MYH15: variants seen among roughly 807,000 people sequenced by gnomAD.
MYH15 encodes myosin-15.
Under a neutral mutation model 240.5 loss-of-function variants are expected in MYH15, and 227 were observed. That is an observed-to-expected ratio of 0.94 (90% confidence interval 0.85 to 1.05). MYH15 has a LOEUF of 1.05. MYH15 is among the 50% of genes least tolerant of loss of function. The pLI, the probability that MYH15 is intolerant of heterozygous loss-of-function variation, is 0.00. For missense variants in MYH15, 2,217 were observed against 2,247.5 expected, an observed-to-expected ratio of 0.99 and a Z score of 0.27; for synonymous variants, 785 against 796.7, an observed-to-expected ratio of 0.99 and a Z score of 0.25.
chr3:108,530,739 A>T (rs2603128), upstream of MYH15, among the ~76,000 whole-genome samples: 23,010 of 152,234 alleles, frequency 0.15, 2,158 homozygotes, highest in Non-Finnish European at 0.22. Context: ...AACTGCTCTA[A>T]AAATACTTAA....
intron 14 of MYH15, 33 bp from the exon 15 acceptor site, chr3:108,464,847 T>C: frequency 1.9e-6 from 3 of 1,540,180 alleles, no homozygotes; most frequent in Non-Finnish European, 2.6e-6. Context: ...GCAGATTTCT[T>C]TAAAAACACC....
At chr3:108,455,584 C>T (rs992132706) in intron 20 of MYH15, 152 bp downstream of exon 20, 18 of 887,326 alleles carry the variant, frequency 2.0e-5, no homozygotes, top group East Asian at 7.4e-5. Context: ...CAAACAGCAC[C>T]GAAGTTTTCA....
chr3:108,405,220 C>T, intron 33 of MYH15, 118 bp downstream of exon 33: 1 of 469,066 alleles, frequency 2.1e-6, no homozygotes, highest in East Asian at 3.2e-5. Flanking sequence ...TAGAGTTACA[C>T]TAAGTTTCTT....
At position 108,476,336 on chromosome 3, in the gene MYH15, CAA is replaced by C. The variant is rs2083219934; in HGVS notation, c.1233+59_1233+60del. 26 of 1,106,496 alleles carry C rather than the reference CAA, an allele frequency of 2.3e-5. 1 individual carries two copies. The South Asian group carries it at 2.6e-4, about 11-fold the overall frequency. The allele number at this position is 1,106,496 out of a possible 1,614,324, so 68.5% of individuals were successfully genotyped here. A position where few individuals can be genotyped will look rare whatever the true frequency, so the allele number is the denominator to read the frequency against. On this transcript the variant is annotated intron_variant, in intron 12 of 40. Coordinates refer to ENST00000693548, the MANE Select transcript of MYH15 (RefSeq NM_014981.3). ...CTTAGTAGTTGAAAAATATACAGTA[CAA>C]TATATATACAATTATTGGAAGATCA...
intron 1 of MYH15, among the ~76,000 whole-genome samples, chr3:108,525,484 TA>T (rs2083659748): frequency 6.6e-6 from 1 of 152,120 alleles, no homozygotes; most frequent in African/African-American, 2.4e-5. Flanking sequence ...TCAGTTTCAT[TA>T]ATTGTTTATC....
Position 108,394,099 on chromosome 3 carries a change from T to C in MYH15, c.5191A>G (p.Lys1731Glu), listed in dbSNP as rs1271456362. 3.1e-6 allele frequency: 5 copies of C among 1,614,048 alleles called. No homozygotes were observed. The highest frequency in any genetic ancestry group is 4.2e-6 in the Non-Finnish European group (5 of 1,179,994). The part of the protein sequence containing the change: ...KLEADVARMQ[K>E]EAEEVVQECQ... ...TCCTGCACCACCTCTTCAGCTTCTT[T>C]CTGCATCCGGGCAACATCAGCCTCC... The change falls in exon 36 of 41, where the codon AAA becomes GAA. Residue 1731 changes from lysine (K) to glutamate (E), a missense_variant. Coordinates refer to ENST00000693548, the MANE Select transcript of MYH15 (RefSeq NM_014981.3).
At chr3:108,383,190 T>C (rs1474162212) in intron 40 of MYH15, among the ~76,000 whole-genome samples, 2 of 152,192 alleles carry the variant, frequency 1.3e-5, no homozygotes, top group African/African-American at 2.4e-5. Flanking sequence ...GGACTCCAAA[T>C]TGATATGGTA....
chr3:108,491,612 C>T (rs2083348823), intron 9 of MYH15, among the ~76,000 whole-genome samples: 1 of 152,082 alleles, frequency 6.6e-6, no homozygotes, highest in Admixed American at 6.6e-5. Context: ...CCCTTCCATC[C>T]AAGTCTCTGC....
Position 108,460,372 on chromosome 3 carries a change from C to CAAA in MYH15, c.1865-8_1865-6dup. ...TCTTCTCCCCAAATGGTATAGCTAG[C>CAAA]AAAAAAAAAAAAAGAAAAAGATGAA... On this transcript the variant is annotated splice_polypyrimidine_tract_variant and splice_region_variant and intron_variant, in intron 16 of 40. Transcript: ENST00000693548. The CAAA allele has an allele frequency of 1.3e-5, 17 of 1,333,290 alleles. No homozygotes were observed. Among genetic ancestry groups the CAAA allele is most frequent in the South Asian group, 1.5e-5 (1 of 65,634 alleles). 82.6% of individuals were successfully genotyped at this position (1,333,290 alleles called of 1,614,324 possible).
intron 40 of MYH15, among the ~76,000 whole-genome samples, chr3:108,381,827 C>A (rs895867688): frequency 2.6e-5 from 4 of 152,320 alleles, no homozygotes; most frequent in African/African-American, 9.6e-5. Context: ...TTTGCCAACC[C>A]CATAAGGAGA....
chr3:108,438,623 A>G (rs2082860794), intron 24 of MYH15, among the ~76,000 whole-genome samples: 1 of 152,172 alleles, frequency 6.6e-6, no homozygotes, highest in Non-Finnish European at 1.5e-5. Flanking sequence ...ATTAGTCCTT[A>G]TAAAAGAGAT....
chr3:108,469,776 G>A (rs1357582642), intron 14 of MYH15, among the ~76,000 whole-genome samples: 9 of 152,112 alleles, frequency 5.9e-5, no homozygotes, highest in Non-Finnish European at 8.8e-5. Flanking sequence ...ACAAGTTTCC[G>A]CTCACGTTAA....
At chr3:108,389,672 G>A (rs891882927) in intron 37 of MYH15, among the ~76,000 whole-genome samples, 2 of 152,176 alleles carry the variant, frequency 1.3e-5, no homozygotes, top group Non-Finnish European at 2.9e-5. Flanking sequence ...ATTAGCATAC[G>A]TTCTAATGAG....
At chr3:108,499,082 T>C (rs571260001) in intron 5 of MYH15, among the ~76,000 whole-genome samples, 2 of 152,322 alleles carry the variant, frequency 1.3e-5, no homozygotes, top group African/African-American at 4.8e-5. Flanking sequence ...CTGCTTGTTA[T>C]CTGTTCCATG....
rs372228730 is a variant in MYH15 at position 108,398,698 on chromosome 3, C to T, written c.5072G>A (p.Arg1691His). Residue 1691 changes from arginine (R) to histidine (H), a missense_variant, in exon 35 of 41, where the codon CGC becomes CAC. Arg to His is a conservative substitution (Grantham distance 29, BLOSUM62 0). Transcript: ENST00000693548. ...RSLQEQTERG[R>H]RLSEEELLEA... ...CAGGAGCTCTTCTTCTGACAGCCTG[C>T]GGCCACGCTCTGTCTGCTCTTGCAG... 1.7e-4 allele frequency: 275 copies of T among 1,614,044 alleles called. 1 individual carries two copies. The highest frequency in any genetic ancestry group is 1.5e-3 in the Middle Eastern group (9 of 5,942).
At position 108,486,496 on chromosome 3, in the gene MYH15, T is replaced by C; in HGVS notation, c.902A>G (p.Asp301Gly). The C allele has an allele frequency of 1.2e-6, 2 of 1,612,300 alleles. No individual in the cohort carries two copies. Among genetic ancestry groups the C allele is most frequent in the Non-Finnish European group, 1.7e-6 (2 of 1,178,746 alleles). The change falls in exon 10 of 41, where the codon GAC becomes GGC. Residue 301 changes from aspartate to glycine, a missense_variant. Physicochemically the swap from Asp to Gly is moderately conservative, Grantham distance 94. Coordinates refer to ENST00000693548, the MANE Select transcript of MYH15 (RefSeq NM_014981.3). ...TGCTCCACAGGAGCAAAAGTGGAAG[T>C]CTGAGGGATTTGCAGATACCAGGAG... ...DLLLVSANPS[D>G]FHFCSCGAVT... is the part of the protein sequence containing the mutation.
At chr3:108,438,289 GGTTCCTCACTAAAT>G (rs1408404449) in intron 24 of MYH15, among the ~76,000 whole-genome samples, 2 of 152,094 alleles carry the variant, frequency 1.3e-5, no homozygotes, top group South Asian at 2.1e-4. Context: ...GTCATATTCT[GGTTCCTCACTAAAT>G]GTTCCCCATC....
chr3:108,382,905 A>G (rs897006920), intron 40 of MYH15, among the ~76,000 whole-genome samples: 5 of 152,198 alleles, frequency 3.3e-5, no homozygotes, highest in Non-Finnish European at 4.4e-5. Flanking sequence ...CCTCGTTTAA[A>G]AACTGTGTGT....
Position 108,510,583 on chromosome 3 carries a change from T to C in MYH15, c.-53A>G. 1 of 1,566,820 alleles carries C rather than the reference T, an allele frequency of 6.4e-7. No individual in the cohort carries two copies. ...GGCCCTAAACGTGAGTAGGCAAGAT[T>C]CAACCTGAAAAAAAAAAATTGATAC... On this transcript the variant is annotated 5_prime_UTR_variant, in exon 1 of 41. Transcript: ENST00000693548.
Sources: allele counts gnomAD v4.1 joint callset (sites outside exome capture counted in the v4.1 genomes callset), GRCh38; gene constraint gnomAD v4.1.1; transcripts MANE v1.5; gene names NCBI Gene and HGNC (gene_info 2026-07-23, HGNC 2026-07-21).